CEP112: variants seen among roughly 807,000 people sequenced by gnomAD.
The protein encoded by CEP112 is centrosomal protein 112.
In CEP112, 127 loss-of-function variants were observed where a neutral mutation model predicts 153.0. The ratio of observed to expected loss-of-function variants is 0.83; its 90% CI spans 0.72 to 0.96. CEP112 has a LOEUF of 0.96. Among genes scored for constraint, CEP112 ranks in the 40% least tolerant of loss-of-function variants. CEP112 has a pLI of 0.00. For missense variants in CEP112, 1,089 were observed against 1,101.2 expected (o/e 0.99, Z 0.16); for synonymous variants, 358 against 374.4 (o/e 0.96, Z 0.51).
intron 23 of CEP112, among the ~76,000 whole-genome samples, chr17:65,701,894 T>TG (rs1567885578): frequency 2.0e-5 from 3 of 150,736 alleles, no homozygotes; most frequent in South Asian, 2.1e-4. Flanking sequence ...TTCTTTTTTT[T>TG]TTTGTTTTTT....
intron 21 of CEP112, among the ~76,000 whole-genome samples, chr17:65,767,454 C>G (rs1487452238): frequency 6.6e-6 from 1 of 151,750 alleles, no homozygotes; most frequent in Non-Finnish European, 1.5e-5. Context: ...CCCAAATAGC[C>G]TAACATTAAG....
At chr17:66,067,290 A>G (rs946532089) in intron 9 of CEP112, among the ~76,000 whole-genome samples, 2 of 152,188 alleles carry the variant, frequency 1.3e-5, no homozygotes, top group Non-Finnish European at 2.9e-5. Context: ...TTGGCATTGT[A>G]GTGATTTAAG....
chr17:66,100,825 GA>G (rs2068540088), intron 6 of CEP112, among the ~76,000 whole-genome samples: 1 of 151,940 alleles, frequency 6.6e-6, no homozygotes, highest in African/African-American at 2.4e-5. Flanking sequence ...TAGAAAACAA[GA>G]AAACAGTACA....
intron 21 of CEP112, among the ~76,000 whole-genome samples, chr17:65,833,583 G>C (rs2057177382): frequency 6.6e-6 from 1 of 151,998 alleles, no homozygotes; most frequent in Admixed American, 6.6e-5. Context: ...AGCCCAATCA[G>C]AAAGCAATCC....
At chr17:66,114,800 T>C (rs912940019) in intron 6 of CEP112, among the ~76,000 whole-genome samples, 6 of 151,952 alleles carry the variant, frequency 3.9e-5, no homozygotes, top group African/African-American at 1.5e-4. Flanking sequence ...AAATTGACAA[T>C]AAACATATTA....
chr17:65,656,445 C>T (rs554078589), intron 24 of CEP112, among the ~76,000 whole-genome samples: 1 of 152,340 alleles, frequency 6.6e-6, no homozygotes, highest in East Asian at 1.9e-4. Context: ...ATAGAATATG[C>T]AAAATATTCA....
At chr17:65,866,532 C>T (rs1459275334) in intron 20 of CEP112, among the ~76,000 whole-genome samples, 1 of 152,308 alleles carries the variant, frequency 6.6e-6, no homozygotes, top group East Asian at 1.9e-4. Flanking sequence ...GCTGCTGGTC[C>T]CCGCAGATGG....
At chr17:66,060,361 T>C (rs1030029083) in intron 11 of CEP112, among the ~76,000 whole-genome samples, 2 of 152,182 alleles carry the variant, frequency 1.3e-5, no homozygotes, top group African/African-American at 4.8e-5. Flanking sequence ...ATGTAATCCC[T>C]ATCAAAATAT....
intron 6 of CEP112, among the ~76,000 whole-genome samples, chr17:66,097,784 A>G (rs748969550): frequency 2.0e-5 from 3 of 152,210 alleles, no homozygotes; most frequent in Non-Finnish European, 4.4e-5. Context: ...ATTGATAGTT[A>G]TCTCTACTAT....
At chr17:65,795,935 G>A (rs1354828443) in intron 21 of CEP112, among the ~76,000 whole-genome samples, 1 of 152,084 alleles carries the variant, frequency 6.6e-6, no homozygotes, top group Non-Finnish European at 1.5e-5. Context: ...ATTTAACACT[G>A]TTCACACTTC....
rs138181492 is a variant in CEP112 at position 66,177,018 on chromosome 17, G to A, written c.109C>T (p.Arg37Trp). 64 of 1,597,064 alleles carry A rather than the reference G, an allele frequency of 4.0e-5. No homozygotes were observed. Among genetic ancestry groups the A allele is most frequent in the South Asian group, 2.6e-4 (23 of 87,298 alleles). ...CTAATCCAAAGAGCACACCTCTGCC[G>A]TTCTATAAATACAGAAGAACTATTA... ...FVLKLPHRTE[R>W]QRCALWIRKL... Residue 37 changes from arginine to tryptophan, a missense_variant and splice_region_variant, in exon 3 of 27, where the codon CGG (arginine) becomes TGG (tryptophan). Physicochemically the swap from Arg to Trp is moderately radical, Grantham distance 101. Transcript: ENST00000535342.
intron 6 of CEP112, among the ~76,000 whole-genome samples, chr17:66,105,572 T>C (rs545423248): frequency 1.2e-4 from 18 of 152,270 alleles, no homozygotes; most frequent in East Asian, 5.8e-4. Context: ...GGTGGGCAGA[T>C]TGCTTGAGCT....
chr17:65,953,991 G>C (rs2061924044), intron 18 of CEP112, among the ~76,000 whole-genome samples: 1 of 152,176 alleles, frequency 6.6e-6, no homozygotes, highest in Admixed American at 6.5e-5. Flanking sequence ...CCTCCCTATA[G>C]GACCATAGCT....
chr17:66,113,967 T>C (rs2069169587), intron 6 of CEP112, among the ~76,000 whole-genome samples: 1 of 152,188 alleles, frequency 6.6e-6, no homozygotes, highest in South Asian at 2.1e-4. Flanking sequence ...AGTCTTAACA[T>C]TTTTTATGCT....
chr17:65,722,457 C>T (rs2049940581), intron 23 of CEP112, among the ~76,000 whole-genome samples: 1 of 152,130 alleles, frequency 6.6e-6, no homozygotes. Context: ...CCATGTTGGC[C>T]AGGTTGGTCT....
chr17:65,689,048 G>T, intron 24 of CEP112, 81 bp downstream of exon 24: 1 of 995,422 alleles, frequency 1.0e-6, no homozygotes, highest in Non-Finnish European at 1.6e-6. Flanking sequence ...GATTACAGGT[G>T]TGAGCCACTG....
rs539537608 is a variant in CEP112 at position 65,718,637 on chromosome 17, C to G, written c.2607+24431G>C. 4.6e-4 allele frequency among the ~76,000 whole-genome samples: 70 copies of G among 151,964 alleles called. 1 individual carries two copies. Among genetic ancestry groups the G allele is most frequent in the Non-Finnish European group, 8.4e-4 (57 of 67,978 alleles). ...TCTTTTTGTGATCTATTTGTTTATG[C>G]TTATTGATAAAATCAAAGGGATTTT... On this transcript the variant is annotated intron_variant, in intron 23 of 26. Transcript: ENST00000535342.
chr17:65,855,180 C>G (rs2146338078), intron 20 of CEP112, among the ~76,000 whole-genome samples: 1 of 152,286 alleles, frequency 6.6e-6, no homozygotes, highest in Non-Finnish European at 1.5e-5. Context: ...TAGAAAACCG[C>G]TGTAAGAAGG....
intron 6 of CEP112, among the ~76,000 whole-genome samples, chr17:66,117,671 C>T (rs1011792538): frequency 3.9e-5 from 6 of 152,100 alleles, no homozygotes; most frequent in African/African-American, 9.6e-5. Flanking sequence ...ACAGATGGGG[C>T]GACATCAAGC....
Sources: allele counts gnomAD v4.1 joint callset (sites outside exome capture counted in the v4.1 genomes callset), GRCh38; gene constraint gnomAD v4.1.1; transcripts MANE v1.5; gene names NCBI Gene and HGNC (gene_info 2026-07-23, HGNC 2026-07-21).